Variants in ITGA8 observed in about 807,000 individuals in gnomAD.
The protein encoded by ITGA8 is integrin subunit alpha 8, also known as integrin alpha-8.
In ITGA8, 91 loss-of-function variants were observed where a neutral mutation model predicts 142.3. The observed-to-expected ratio is 0.64, with a 90% confidence interval of 0.54 to 0.76. ITGA8 has a LOEUF of 0.76. Among genes scored for constraint, ITGA8 ranks in the 30% least tolerant of loss-of-function variants. The probability of loss-of-function intolerance (pLI) is 0.00; values close to 1 mark genes in which losing one functional copy is unlikely to be tolerated. For synonymous variants in ITGA8, 505 were observed against 485.2 expected, an observed-to-expected ratio of 1.04 and a Z score of -0.54; for missense variants, 1,406 against 1,327.7, an observed-to-expected ratio of 1.06 and a Z score of -0.92.
intron 23 of ITGA8, among the ~76,000 whole-genome samples, chr10:15,583,500 A>G (rs993048978): frequency 2.0e-5 from 3 of 152,202 alleles, no homozygotes; most frequent in Non-Finnish European, 4.4e-5. Context: ...GTACCCCAGA[A>G]CTTAAAGTAT....
At chr10:15,520,045 T>G (rs1017289565) in intron 28 of ITGA8, among the ~76,000 whole-genome samples, 3 of 152,176 alleles carry the variant, frequency 2.0e-5, no homozygotes, top group African/African-American at 7.2e-5. Context: ...ATCTTGTATT[T>G]TATGGAAGTA....
intron 26 of ITGA8, among the ~76,000 whole-genome samples, chr10:15,549,199 C>CTTTTT (rs1564346419): frequency 6.1e-5 from 3 of 48,848 alleles, no homozygotes; most frequent in African/African-American, 2.6e-4. Flanking sequence ...CTTTTCTTTT[C>CTTTTT]TGTTTTTTTT....
Position 15,606,319 on chromosome 10 carries a change from A to C in ITGA8, c.1868T>G (p.Leu623Trp). ...FKEGLEVKPILNYYRENIVSE... is the reference protein window; with the variant it reads ...FKEGLEVKPIWNYYRENIVSE... ...AACAATGTTTTCTCTGTAGTAGTTC[A>C]ATATTGGTTTCACTTCCAGGCCTTC... is the stretch of plus-strand genomic sequence containing the variant. The change falls in exon 18 of 30, where the codon TTG becomes TGG. Residue 623 changes from leucine (L) to tryptophan (W), a missense_variant. Transcript: ENST00000378076. The C allele has an allele frequency of 6.2e-7, 1 of 1,612,168 alleles. No individual in the cohort carries two copies. Among genetic ancestry groups the C allele is most frequent in the Non-Finnish European group, 8.5e-7 (1 of 1,178,394 alleles).
intron 23 of ITGA8, among the ~76,000 whole-genome samples, chr10:15,578,306 T>G (rs943082141): frequency 1.3e-5 from 2 of 152,132 alleles, no homozygotes; most frequent in Non-Finnish European, 2.9e-5. Context: ...CTTTTTTGAC[T>G]CTGCATACTT....
At chr10:15,528,407 T>C (rs913148577) in intron 28 of ITGA8, among the ~76,000 whole-genome samples, 1 of 152,122 alleles carries the variant, frequency 6.6e-6, no homozygotes, top group African/African-American at 2.4e-5. Context: ...CTCCAGTTAG[T>C]CAGATATTGG....
intron 2 of ITGA8, among the ~76,000 whole-genome samples, chr10:15,692,691 T>C (rs1834957614): frequency 6.6e-6 from 1 of 152,194 alleles, no homozygotes; most frequent in South Asian, 2.1e-4. Flanking sequence ...CAATTGTACA[T>C]ACACTTTGCA....
chr10:15,596,144 T>C lies in ITGA8; in HGVS notation c.2211+1063A>G, dbSNP rs144122690. 5.9e-3 allele frequency among the ~76,000 whole-genome samples: 900 copies of C among 152,292 alleles called. 7 individuals are homozygous for C. The highest frequency in any genetic ancestry group is 7.6e-3 in the Non-Finnish European group (514 of 68,042). Reference sequence around the variant, plus strand: ...ATAAAAGGACTATGATAGTGAAAAATGTTCTAATATCTCAGTGTAAACATC... The same window carrying C: ...ATAAAAGGACTATGATAGTGAAAAACGTTCTAATATCTCAGTGTAAACATC... On this transcript the variant is annotated intron_variant, in intron 21 of 29. Transcript: ENST00000378076.
chr10:15,698,663 C>G (rs945980296), intron 2 of ITGA8, among the ~76,000 whole-genome samples: 2 of 152,026 alleles, frequency 1.3e-5, no homozygotes, highest in African/African-American at 4.8e-5. Flanking sequence ...TGATCATTAG[C>G]GATGTTGAAC....
intron 4 of ITGA8, 114 bp downstream of exon 4, chr10:15,683,890 T>G: frequency 7.7e-7 from 1 of 1,293,834 alleles, no homozygotes; most frequent in Admixed American, 2.2e-5. Flanking sequence ...CCCCCGAAGC[T>G]TTTTCCTTGC....
At chr10:15,555,628 G>A (rs1341752518) in intron 26 of ITGA8, among the ~76,000 whole-genome samples, 1 of 152,120 alleles carries the variant, frequency 6.6e-6, no homozygotes, top group Non-Finnish European at 1.5e-5. Flanking sequence ...CCAGGACTGT[G>A]ACTGCTGCCC....
intron 28 of ITGA8, 103 bp downstream of exon 28, chr10:15,530,947 C>G (rs1833277427): frequency 1.4e-6 from 1 of 698,374 alleles, no homozygotes; most frequent in South Asian, 2.0e-5. Context: ...GAAAATTTTT[C>G]TCAAGTCAAT....
At chr10:15,672,909 G>C (rs1478878278) in intron 6 of ITGA8, among the ~76,000 whole-genome samples, 160 bp from the exon 7 acceptor site, 1 of 152,184 alleles carries the variant, frequency 6.6e-6, no homozygotes. Context: ...GTTAGTTACA[G>C]CTGGGTAGAA....
At chr10:15,524,730 A>T (rs1833136260) in intron 28 of ITGA8, among the ~76,000 whole-genome samples, 1 of 152,210 alleles carries the variant, frequency 6.6e-6, no homozygotes, top group Non-Finnish European at 1.5e-5. Context: ...CTTTTACAGG[A>T]CCAAAGTTTC....
chr10:15,604,995 G>A (rs1833168696), intron 19 of ITGA8, among the ~76,000 whole-genome samples: 1 of 152,120 alleles, frequency 6.6e-6, no homozygotes, highest in South Asian at 2.1e-4. Flanking sequence ...CTTACTTAAA[G>A]CGATTGCATT....
chr10:15,638,501 C>T (rs185859396), intron 13 of ITGA8, among the ~76,000 whole-genome samples: 93 of 152,240 alleles, frequency 6.1e-4, no homozygotes, highest in Non-Finnish European at 1.2e-3. Context: ...CCAACACTGC[C>T]CACTCTTTTA....
At chr10:15,676,013 TA>T (rs1348058345) in intron 6 of ITGA8, among the ~76,000 whole-genome samples, 2 of 152,196 alleles carry the variant, frequency 1.3e-5, no homozygotes, top group African/African-American at 4.8e-5. Flanking sequence ...AAATTTATGA[TA>T]AATTTTTTAT....
chr10:15,522,230 A>G (rs1390327418), intron 28 of ITGA8, among the ~76,000 whole-genome samples: 4 of 152,206 alleles, frequency 2.6e-5, no homozygotes, highest in Admixed American at 6.5e-5. Context: ...ACAATTATAT[A>G]TCAATAGAAA....
Position 15,684,069 on chromosome 10 carries a change from A to G in ITGA8, c.503T>C (p.Val168Ala), listed in dbSNP as rs1270499902. Residue 168 changes from valine (V) to alanine (A), a missense_variant, in exon 4 of 30, where the codon GTT (valine) becomes GCT (alanine). Coordinates refer to ENST00000378076, the MANE Select transcript of ITGA8 (RefSeq NM_003638.3). ...CTGAATTGCTACATAGCAGGTGCCA[A>G]CTGGGTCCTTTTCTGGTGTCGGTTT... ...TLKPTPEKDPVGTCYVAIQNF... is the reference protein window; with the variant it reads ...TLKPTPEKDPAGTCYVAIQNF... 5 of 1,614,058 alleles carry G rather than the reference A, an allele frequency of 3.1e-6. No individual in the cohort carries two copies. Among genetic ancestry groups the G allele is most frequent in the Admixed American group, 1.7e-5 (1 of 59,990 alleles).
At chr10:15,638,473 A>T (rs1042446013) in intron 13 of ITGA8, among the ~76,000 whole-genome samples, 1 of 152,214 alleles carries the variant, frequency 6.6e-6, no homozygotes, top group Non-Finnish European at 1.5e-5. Flanking sequence ...TACATCAGAC[A>T]GTGAAAACCA....
Sources: allele counts gnomAD v4.1 joint callset (sites outside exome capture counted in the v4.1 genomes callset), GRCh38; gene constraint gnomAD v4.1.1; transcripts MANE v1.5; gene names NCBI Gene and HGNC (gene_info 2026-07-23, HGNC 2026-07-21).